TNFSF9: variants seen among roughly 807,000 people sequenced by gnomAD.
TNFSF9 encodes the protein tumor necrosis factor ligand superfamily member 9.
TNFSF9 carries 10 observed loss-of-function variants against 10.3 expected under a neutral mutation model. That is an observed-to-expected ratio of 0.97 (90% CI 0.60 to 1.65). The LOEUF is 1.65. Among genes scored for constraint, TNFSF9 ranks in the 40% most tolerant of loss-of-function variants. The pLI, the probability that TNFSF9 is intolerant of heterozygous loss-of-function variation, is 0.00. For synonymous variants in TNFSF9, 195 were observed against 176.1 expected (o/e 1.11, Z -0.85); for missense variants, 361 against 348.9 (o/e 1.03, Z -0.28).
At chr19:6,532,266 C>T (rs1915160856) in intron 1 of TNFSF9, among the ~76,000 whole-genome samples, 2 of 139,826 alleles carry the variant, frequency 1.4e-5, no homozygotes, top group African/African-American at 2.8e-5. Context: ...CCACCAGCTT[C>T]GTGTGTGTGT....
chr19:6,534,506 C>G, intron 2 of TNFSF9, 94 bp from the exon 3 acceptor site: 2 of 940,072 alleles, frequency 2.1e-6, no homozygotes, highest in Non-Finnish European at 2.8e-6. Context: ...CCGTTCTTTT[C>G]TCCCAGGGCT....
At position 6,534,862 on chromosome 19, in the gene TNFSF9, C is replaced by A; in HGVS notation, c.561C>A (p.Pro187=). The A allele has an allele frequency of 6.2e-7, 1 of 1,606,818 alleles. No homozygotes were observed. Among genetic ancestry groups the A allele is most frequent in the East Asian group, 2.2e-5 (1 of 44,804 alleles). Reference sequence around the variant, plus strand: ...TGGCTTTGACCGTGGACCTGCCACCCGCCTCCTCCGAGGCTCGGAACTCGG... The same window carrying A: ...TGGCTTTGACCGTGGACCTGCCACCAGCCTCCTCCGAGGCTCGGAACTCGG... ...AALALTVDLP[P]ASSEARNSAF... Residue 187 remains proline (P), a synonymous_variant, in exon 3 of 3, where the codon CCC becomes CCA. Transcript: ENST00000245817.
chr19:6,534,518 C>CGCTGACA, intron 2 of TNFSF9, 82 bp from the exon 3 acceptor site: 2 of 1,292,366 alleles, frequency 1.5e-6, no homozygotes, highest in Non-Finnish European at 2.1e-6. Context: ...CCCAGGGCTG[C>CGCTGACA]GCTGACATGT....
At chr19:6,534,078 C>A (rs1915211356) in intron 2 of TNFSF9, among the ~76,000 whole-genome samples, 1 of 139,614 alleles carries the variant, frequency 7.2e-6, no homozygotes, top group Non-Finnish European at 1.6e-5. Context: ...TCTCCCTTCT[C>A]CTCCCCCCAT....
At chr19:6,531,588 C>T (rs1184561478) in intron 1 of TNFSF9, among the ~76,000 whole-genome samples, 2 of 151,830 alleles carry the variant, frequency 1.3e-5, no homozygotes, top group Admixed American at 6.6e-5. Flanking sequence ...TCTTCTAGTC[C>T]GGGGGGCACC....
chr19:6,532,642 C>T (rs1367625695), intron 1 of TNFSF9, 144 bp from the exon 2 acceptor site: 2 of 1,067,276 alleles, frequency 1.9e-6, no homozygotes, highest in East Asian at 2.4e-5. Context: ...TGTGCGGTCT[C>T]TGTTCTTTAG....
At position 6,531,102 on chromosome 19, in the gene TNFSF9, C is replaced by T. The variant is rs750017496; in HGVS notation, c.66C>T (p.Arg22=). The T allele has an allele frequency of 4.3e-6, 7 of 1,610,704 alleles. No individual in the cohort carries two copies. The highest frequency in any genetic ancestry group is 5.1e-6 in the Non-Finnish European group (6 of 1,178,948). ...CGTGGCCTCCCGCGCCCCGCGCTCGCGCCTGCCGCGTACTGCCTTGGGCCC... is the reference window on the plus strand; with the variant it reads ...CGTGGCCTCCCGCGCCCCGCGCTCGTGCCTGCCGCGTACTGCCTTGGGCCC... The part of the protein sequence containing the change: ...EAPWPPAPRA[R]ACRVLPWALV... Residue 22 remains arginine, a synonymous_variant, in exon 1 of 3, where the codon CGC becomes CGT. Transcript: ENST00000245817.
At chr19:6,531,817 C>T (rs546095040) in intron 1 of TNFSF9, among the ~76,000 whole-genome samples, 47 of 152,170 alleles carry the variant, frequency 3.1e-4, no homozygotes, top group African/African-American at 1.1e-3. Context: ...TTCTGCACCC[C>T]GGGTCGGAGA....
rs893046208 is a variant in TNFSF9, at chr19:6,535,716, G to C, written c.*650G>C. 6.6e-6 allele frequency: 1 copy of C among 151,944 alleles called. No individual in the cohort carries two copies. The highest frequency in any genetic ancestry group is 1.5e-5 in the Non-Finnish European group (1 of 68,012). The allele number at this position is 151,944 out of a possible 1,614,324, so 9.4% of individuals were successfully genotyped here. ...TCTGTCAACCAGGCTAGAATGCAGCGGTGCAATCATGAGTCAATGCAGCCT... is the reference window on the plus strand; with the variant it reads ...TCTGTCAACCAGGCTAGAATGCAGCCGTGCAATCATGAGTCAATGCAGCCT... On this transcript the variant is annotated 3_prime_UTR_variant, in exon 3 of 3. Coordinates refer to ENST00000245817, the MANE Select transcript of TNFSF9 (RefSeq NM_003811.4).
Position 6,531,195 on chromosome 19 carries a change from G to A in TNFSF9, c.159G>A (p.Trp53Ter), listed in dbSNP as rs1353876912. 6.4e-7 allele frequency: 1 copy of A among 1,564,026 alleles called. No homozygotes were observed. Among genetic ancestry groups the A allele is most frequent in the Non-Finnish European group, 8.6e-7 (1 of 1,157,376 alleles). Reference protein sequence around the residue: ...AACAVFLACPWAVSGARASPG... With the variant: ...AACAVFLACP ...GCGCCGTCTTCCTCGCCTGCCCCTG[G>A]GCCGTGTCCGGGGCTCGCGCCTCGC... Residue 53 changes from tryptophan (W) to a stop codon, truncating the protein, a stop_gained, in exon 1 of 3, where the codon TGG becomes TGA. Transcript: ENST00000245817. LOFTEE classifies it high-confidence loss of function.
chr19:6,532,298 T>C (rs1915163282), intron 1 of TNFSF9, among the ~76,000 whole-genome samples: 1 of 120,642 alleles, frequency 8.3e-6, no homozygotes, highest in African/African-American at 3.2e-5. Context: ...TGTGTGTGTG[T>C]TCGTGTTTGT....
chr19:6,534,867 C>T lies in TNFSF9; in HGVS notation c.566C>T (p.Ser189Phe), dbSNP rs1263704223. The T allele has an allele frequency of 2.5e-6, 4 of 1,607,274 alleles. No homozygotes were observed. In the South Asian group the frequency reaches 3.3e-5, roughly 13 times the overall value. ...LALTVDLPPA[S>F]SEARNSAFGF... ...TTGACCGTGGACCTGCCACCCGCCT[C>T]CTCCGAGGCTCGGAACTCGGCCTTC... Residue 189 changes from serine (S) to phenylalanine (F), a missense_variant, in exon 3 of 3, where the codon TCC becomes TTC. Ser to Phe is a radical substitution (Grantham distance 155). Transcript: ENST00000245817.
Position 6,534,916 on chromosome 19 carries a change from C to G in TNFSF9, c.615C>G (p.His205Gln). 6.2e-7 allele frequency: 1 copy of G among 1,609,442 alleles called. No homozygotes were observed. The highest frequency in any genetic ancestry group is 8.5e-7 in the Non-Finnish European group (1 of 1,179,476). Residue 205 changes from histidine to glutamine, a missense_variant, in exon 3 of 3, where the codon CAC becomes CAG. Transcript: ENST00000245817. ...SAFGFQGRLL[H>Q]LSAGQRLGVH... ...TCGGTTTCCAGGGCCGCTTGCTGCA[C>G]CTGAGTGCCGGCCAGCGCCTGGGCG...
chr19:6,532,353 ATGTG>A (rs371246733), intron 1 of TNFSF9, among the ~76,000 whole-genome samples: 2,151 of 67,156 alleles, frequency 0.032, 42 homozygotes, highest in African/African-American at 0.12. Flanking sequence ...GGGGGTGCGT[ATGTG>A]TGTGTGTTCG....
intron 1 of TNFSF9, 93 bp from the exon 2 acceptor site, chr19:6,532,693 C>A: frequency 6.3e-7 from 1 of 1,588,928 alleles, no homozygotes; most frequent in South Asian, 1.1e-5. Context: ...TCGGCACAGA[C>A]TCTGGGGACC....
rs757143321 is a variant in TNFSF9, at chr19:6,534,666, G to C, written c.365G>C (p.Gly122Ala). 2 of 1,591,048 alleles carry C rather than the reference G, an allele frequency of 1.3e-6. No individual in the cohort carries two copies. The highest frequency in any genetic ancestry group is 1.7e-4 in the Middle Eastern group (1 of 6,042). The change falls in exon 3 of 3, where the codon GGG (glycine) becomes GCG (alanine). Residue 122 changes from glycine to alanine, a missense_variant. Physicochemically the swap from Gly to Ala is moderately conservative, Grantham distance 60. Coordinates refer to ENST00000245817, the MANE Select transcript of TNFSF9 (RefSeq NM_003811.4). ...GGCCTGGCAGGCGTGTCCCTGACGG[G>C]GGGCCTGAGCTACAAAGAGGACACG... ...DPGLAGVSLT[G>A]GLSYKEDTKE...
chr19:6,535,027 C>A lies in TNFSF9; in HGVS notation c.726C>A (p.Pro242=). ...ATVLGLFRVT[P]EIPAGLPSPR... ...TCTTGGGACTCTTCCGGGTGACCCC[C>A]GAAATCCCAGCCGGACTCCCTTCAC... The change falls in exon 3 of 3, where the codon CCC becomes CCA. Residue 242 remains proline, a synonymous_variant. Transcript: ENST00000245817. 6.3e-7 allele frequency: 1 copy of A among 1,585,778 alleles called. No individual in the cohort carries two copies. Among genetic ancestry groups the A allele is most frequent in the Non-Finnish European group, 8.6e-7 (1 of 1,164,394 alleles).
chr19:6,534,684 A>T lies in TNFSF9; in HGVS notation c.383A>T (p.Glu128Val), dbSNP rs994910879. ...CTGACGGGGGGCCTGAGCTACAAAG[A>T]GGACACGAAGGAGCTGGTGGTGGCC... ...VSLTGGLSYK[E>V]DTKELVVAKA... The change falls in exon 3 of 3, where the codon GAG becomes GTG. Residue 128 changes from glutamate to valine, a missense_variant. Glu to Val is a moderately radical substitution (Grantham distance 121). Coordinates refer to ENST00000245817, the MANE Select transcript of TNFSF9 (RefSeq NM_003811.4). 5 of 1,592,614 alleles carry T rather than the reference A, an allele frequency of 3.1e-6. No individual in the cohort carries two copies. The Admixed American group carries it at 8.8e-5, about 28-fold the overall frequency.
chr19:6,531,417 G>A, intron 1 of TNFSF9, 114 bp downstream of exon 1: 1 of 1,331,944 alleles, frequency 7.5e-7, no homozygotes, highest in Non-Finnish European at 9.6e-7. Context: ...ACTCCCGGCC[G>A]GGGAGAGGAG....
Sources: gnomAD v4.1 joint callset for allele counts (sites outside exome capture counted in the v4.1 genomes callset) on GRCh38, gnomAD v4.1.1 for gene constraint, MANE v1.5 for transcripts, NCBI Gene and HGNC (gene_info 2026-07-23, HGNC 2026-07-21) for gene names.